Variants in FARS2 observed in about 807,000 individuals in gnomAD.
The protein encoded by FARS2 is phenylalanine--tRNA ligase, mitochondrial.
FARS2 carries 40 observed loss-of-function variants against 46.4 expected under a neutral mutation model. The ratio of observed to expected loss-of-function variants is 0.86; its 90% CI spans 0.67 to 1.12. The LOEUF (loss-of-function observed/expected upper bound fraction) is 1.12. Ranked by LOEUF, FARS2 falls within the 50% of genes most tolerant of loss-of-function variation. The probability of loss-of-function intolerance (pLI) is 0.00; values close to 1 mark genes in which losing one functional copy is unlikely to be tolerated. For synonymous variants in FARS2, 234 were observed against 214.9 expected (o/e 1.09, Z -0.78); for missense variants, 513 against 567.9 (o/e 0.90, Z 0.98).
At chr6:5,500,504 C>T (rs77681422) in intron 4 of FARS2, among the ~76,000 whole-genome samples, 2,176 of 152,274 alleles carry the variant, frequency 0.014, 23 homozygotes, top group Middle Eastern at 0.02. Flanking sequence ...TGGGGCAAGG[C>T]CAGGCGCCTC....
intron 6 of FARS2, among the ~76,000 whole-genome samples, chr6:5,739,758 C>T (rs547986110): frequency 4.6e-5 from 7 of 152,274 alleles, no homozygotes; most frequent in East Asian, 1.9e-4. Flanking sequence ...CTACCCAGAA[C>T]GGTAGGTCAG....
At chr6:5,437,497 A>T (rs1368296006) in intron 4 of FARS2, among the ~76,000 whole-genome samples, 2 of 151,976 alleles carry the variant, frequency 1.3e-5, no homozygotes, top group African/African-American at 4.8e-5. Context: ...TTTATCTGTC[A>T]ATTTTTCTTT....
At chr6:5,586,387 T>C (rs1168014893) in intron 5 of FARS2, among the ~76,000 whole-genome samples, 1 of 152,160 alleles carries the variant, frequency 6.6e-6, no homozygotes, top group Non-Finnish European at 1.5e-5. Context: ...AATTTATTGA[T>C]TGTATTTATC....
chr6:5,481,244 A>G (rs1012703645), intron 4 of FARS2, among the ~76,000 whole-genome samples: 1 of 152,220 alleles, frequency 6.6e-6, no homozygotes, highest in Admixed American at 6.5e-5. Flanking sequence ...GGCACACCAC[A>G]TGGAAATGTG....
intron 4 of FARS2, among the ~76,000 whole-genome samples, chr6:5,477,516 G>C (rs2150334909): frequency 6.6e-6 from 1 of 152,268 alleles, no homozygotes; most frequent in Non-Finnish European, 1.5e-5. Flanking sequence ...TCTCACTGCG[G>C]CATCTCCAGG....
intron 2 of FARS2, among the ~76,000 whole-genome samples, chr6:5,370,999 C>T (rs1236222442): frequency 3.3e-5 from 5 of 152,114 alleles, no homozygotes; most frequent in African/African-American, 7.2e-5. Flanking sequence ...AATGAGGTCC[C>T]GAAAGGTTTA....
At chr6:5,387,053 A>C (rs1760179481) in intron 2 of FARS2, among the ~76,000 whole-genome samples, 1 of 152,196 alleles carries the variant, frequency 6.6e-6, no homozygotes, top group Non-Finnish European at 1.5e-5. Context: ...AAGACCAAAA[A>C]AGAGCTATCA....
At position 5,365,560 on chromosome 6, in the gene FARS2, C is replaced by T. The variant is rs140780351; in HGVS notation, c.-21-2990C>T. Among the ~76,000 whole-genome samples, 885 of 145,592 alleles carry T rather than the reference C, an allele frequency of 6.1e-3. 10 individuals are homozygous for T. The highest frequency in any genetic ancestry group is 0.041 in the South Asian group (186 of 4,510). ...AGAGATAGGGTCTTGTCATGTTGCC[C>T]AGGCTGCTCTCAAACTCCTGGGCCC... On this transcript the variant is annotated intron_variant, in intron 1 of 6. Coordinates refer to ENST00000274680, the MANE Select transcript of FARS2 (RefSeq NM_006567.5).
intron 6 of FARS2, among the ~76,000 whole-genome samples, chr6:5,717,923 T>TAGAGAGAGAGAGAGAG (rs1240643852): frequency 2.6e-4 from 8 of 31,226 alleles, no homozygotes; most frequent in African/African-American, 1.6e-3. Context: ...TATATATATA[T>TAGAGAGAGAGAGAGAG]ATATATATAT....
chr6:5,445,397 A>T (rs1320011441), intron 4 of FARS2, among the ~76,000 whole-genome samples: 1 of 152,130 alleles, frequency 6.6e-6, no homozygotes, highest in Non-Finnish European at 1.5e-5. Flanking sequence ...ACAATCTGCT[A>T]AGTTATTTTT....
At chr6:5,692,636 T>G (rs1020081824) in intron 6 of FARS2, among the ~76,000 whole-genome samples, 2 of 152,270 alleles carry the variant, frequency 1.3e-5, no homozygotes, top group Admixed American at 6.5e-5. Flanking sequence ...TTAAAAATCT[T>G]AATCTGTTTA....
chr6:5,321,484 C>T (rs1177032041), intron 1 of FARS2, among the ~76,000 whole-genome samples: 3 of 152,156 alleles, frequency 2.0e-5, no homozygotes, highest in African/African-American at 7.2e-5. Context: ...GTTTATTTAT[C>T]TTTCCCTCTT....
intron 1 of FARS2, among the ~76,000 whole-genome samples, chr6:5,280,306 TTTAAGCC>T (rs1202712668): frequency 6.6e-6 from 1 of 152,250 alleles, no homozygotes; most frequent in African/African-American, 2.4e-5. Flanking sequence ...CAGAAACTCA[TTTAAGCC>T]TATTCTCTTC....
At chr6:5,710,555 C>T (rs1056130747) in intron 6 of FARS2, among the ~76,000 whole-genome samples, 2 of 152,100 alleles carry the variant, frequency 1.3e-5, no homozygotes, top group Non-Finnish European at 2.9e-5. Context: ...TTCCCCCGCT[C>T]ACTTCCCCGG....
intron 6 of FARS2, among the ~76,000 whole-genome samples, chr6:5,624,317 T>A (rs924745452): frequency 2.6e-5 from 4 of 152,176 alleles, no homozygotes; most frequent in African/African-American, 9.7e-5. Context: ...ATGAATTAAA[T>A]CACAGTTTGT....
rs55998904 is a variant in FARS2, at chr6:5,353,726, G to GTTTTT, written c.-21-14806_-21-14802dup. On this transcript the variant is annotated intron_variant, in intron 1 of 6. Transcript: ENST00000274680. ...CTGTTTTTAAATTGTAATATTTGGT[G>GTTTTT]TTTTTTTTTTTTTTTTTTTTTTGCT... Among the ~76,000 whole-genome samples the GTTTTT allele has an allele frequency of 4.3e-3, 174 of 40,356 alleles. 10 individuals are homozygous for GTTTTT. The highest frequency in any genetic ancestry group is 6.4e-3 in the East Asian group (5 of 784). The allele number at this position is 40,356 out of a possible 152,430, so 26.5% of individuals were successfully genotyped here. A position where few individuals can be genotyped will look rare whatever the true frequency, so the allele number is the denominator to read the frequency against.
intron 6 of FARS2, among the ~76,000 whole-genome samples, chr6:5,770,778 G>C (rs1762993257): frequency 6.6e-6 from 1 of 152,330 alleles, no homozygotes; most frequent in Non-Finnish European, 1.5e-5. Context: ...TATATGGCCT[G>C]TATGCTTCCT....
rs145891588 is a variant in FARS2, at chr6:5,449,743, G to A, written c.904+18571G>A. Among the ~76,000 whole-genome samples, 151 of 152,292 alleles carry A rather than the reference G, an allele frequency of 9.9e-4. 1 individual carries two copies. The highest frequency in any genetic ancestry group is 3.2e-3 in the African/African-American group (132 of 41,564). On this transcript the variant is annotated intron_variant, in intron 4 of 6. Transcript: ENST00000274680. ...CATTATACTTACTGATTTAGCATTC[G>A]TAATCCGAAAACTCGAAATCAGAAA...
At chr6:5,293,790 G>T (rs1438987505) in intron 1 of FARS2, among the ~76,000 whole-genome samples, 1 of 152,184 alleles carries the variant, frequency 6.6e-6, no homozygotes, top group Non-Finnish European at 1.5e-5. Context: ...AGGAATTTTA[G>T]AGCCAATTTT....
Sources: gnomAD v4.1 joint callset for allele counts (sites outside exome capture counted in the v4.1 genomes callset) on GRCh38, gnomAD v4.1.1 for gene constraint, MANE v1.5 for transcripts, NCBI Gene and HGNC (gene_info 2026-07-23, HGNC 2026-07-21) for gene names.